Variants in GRID2 observed in about 807,000 individuals in gnomAD.
GRID2 encodes glutamate ionotropic receptor delta type subunit 2.
GRID2 carries 33 observed loss-of-function variants against 114.8 expected under a neutral mutation model. That is an observed-to-expected ratio of 0.29 (90% CI 0.22 to 0.38). The LOEUF (loss-of-function observed/expected upper bound fraction) is 0.38. GRID2 is among the 10% of genes least tolerant of loss of function. GRID2 has a pLI of 1.00. For synonymous variants in GRID2, 505 were observed against 449.9 expected, an observed-to-expected ratio of 1.12 and a Z score of -1.55; for missense variants, 1,184 against 1,257.7, an observed-to-expected ratio of 0.94 and a Z score of 0.89.
At chr4:92,306,784 C>T (rs573509008) in intron 1 of GRID2, among the ~76,000 whole-genome samples, 43 of 152,256 alleles carry the variant, frequency 2.8e-4, no homozygotes, top group African/African-American at 9.4e-4. Context: ...GCTATAATCA[C>T]ATTTAAAAAT....
intron 1 of GRID2, among the ~76,000 whole-genome samples, chr4:92,404,392 C>T (rs1041023999): frequency 6.6e-6 from 1 of 152,110 alleles, no homozygotes; most frequent in Non-Finnish European, 1.5e-5. Flanking sequence ...ACAACAGATG[C>T]TGGCAAGGCT....
intron 1 of GRID2, among the ~76,000 whole-genome samples, chr4:92,561,649 G>A (rs549398028): frequency 1.5e-4 from 23 of 152,258 alleles, no homozygotes; most frequent in Admixed American, 6.5e-4. Context: ...AAGCTTTATA[G>A]TGTGGCTACA....
At chr4:92,987,400 G>T (rs1187539272) in intron 2 of GRID2, among the ~76,000 whole-genome samples, 1 of 152,076 alleles carries the variant, frequency 6.6e-6, no homozygotes, top group African/African-American at 2.4e-5. Context: ...TGCCAGAACA[G>T]TGAGGTTCCT....
At chr4:92,867,325 A>C (rs144769484) in intron 2 of GRID2, among the ~76,000 whole-genome samples, 1 of 152,292 alleles carries the variant, frequency 6.6e-6, no homozygotes, top group Non-Finnish European at 1.5e-5. Context: ...ACTGCAATTA[A>C]GGAAACCCTT....
chr4:92,994,275 G>A (rs181334009), intron 2 of GRID2, among the ~76,000 whole-genome samples: 1 of 152,298 alleles, frequency 6.6e-6, no homozygotes, highest in African/African-American at 2.4e-5. Context: ...TATAAACTCA[G>A]TGATCTTAAT....
chr4:93,206,365 C>T (rs929039736), intron 4 of GRID2, among the ~76,000 whole-genome samples: 1 of 151,824 alleles, frequency 6.6e-6, no homozygotes, highest in African/African-American at 2.4e-5. Flanking sequence ...GAATAGCCAA[C>T]AAAATGCAAT....
chr4:92,370,403 A>C (rs1435404603), intron 1 of GRID2, among the ~76,000 whole-genome samples: 1 of 152,010 alleles, frequency 6.6e-6, no homozygotes, highest in Non-Finnish European at 1.5e-5. Context: ...TGTAATCCCA[A>C]CACTTTGGGA....
intron 1 of GRID2, among the ~76,000 whole-genome samples, chr4:92,396,039 T>C (rs1730476818): frequency 6.6e-6 from 1 of 151,896 alleles, no homozygotes; most frequent in African/African-American, 2.4e-5. Context: ...AGAAATAGTA[T>C]GATAAGACAT....
chr4:92,439,173 G>C (rs1021004411), intron 1 of GRID2, among the ~76,000 whole-genome samples: 1 of 151,912 alleles, frequency 6.6e-6, no homozygotes, highest in Non-Finnish European at 1.5e-5. Context: ...TTGCTCAGTG[G>C]GGGTGCTTTT....
chr4:93,348,807 T>A (rs548063397), intron 8 of GRID2, among the ~76,000 whole-genome samples: 5 of 152,310 alleles, frequency 3.3e-5, no homozygotes, highest in Non-Finnish European at 7.4e-5. Flanking sequence ...TATAAAAAGA[T>A]GCTTGGTTTT....
At chr4:93,691,774 T>C (rs190710273) in intron 14 of GRID2, among the ~76,000 whole-genome samples, 72 of 152,184 alleles carry the variant, frequency 4.7e-4, no homozygotes, top group Admixed American at 1.2e-3. Context: ...TACTAGAGAC[T>C]ATTTTATTTC....
chr4:92,883,884 G>A (rs1265382112), intron 2 of GRID2, among the ~76,000 whole-genome samples: 1 of 152,138 alleles, frequency 6.6e-6, no homozygotes, highest in Non-Finnish European at 1.5e-5. Flanking sequence ...CTGGATCCAG[G>A]ATTTTCAGAA....
At chr4:92,980,152 C>T (rs1429778189) in intron 2 of GRID2, among the ~76,000 whole-genome samples, 1 of 151,820 alleles carries the variant, frequency 6.6e-6, no homozygotes, top group Non-Finnish European at 1.5e-5. Flanking sequence ...CTTCAAGAAC[C>T]CAATTTTTGA....
chr4:92,733,301 A>G (rs779355168), intron 2 of GRID2, among the ~76,000 whole-genome samples: 67 of 152,076 alleles, frequency 4.4e-4, no homozygotes, highest in Non-Finnish European at 8.1e-4. Flanking sequence ...CTAACCTGTA[A>G]CTGATTAACT....
At chr4:92,996,180 C>A (rs1180123698) in intron 2 of GRID2, among the ~76,000 whole-genome samples, 1 of 151,710 alleles carries the variant, frequency 6.6e-6, no homozygotes, top group Non-Finnish European at 1.5e-5. Flanking sequence ...ATCCCAGCAA[C>A]TTGGGAGGCT....
chr4:92,874,069 T>C (rs746904184), intron 2 of GRID2, among the ~76,000 whole-genome samples: 17 of 152,068 alleles, frequency 1.1e-4, no homozygotes, highest in Non-Finnish European at 2.4e-4. Flanking sequence ...CCCCTATTCT[T>C]CTTACACTCA....
intron 2 of GRID2, among the ~76,000 whole-genome samples, chr4:92,668,088 G>T (rs1377091319): frequency 6.6e-6 from 1 of 151,708 alleles, no homozygotes; most frequent in Non-Finnish European, 1.5e-5. Context: ...GAAGCAGTTT[G>T]TTAAGATGGA....
At chr4:93,085,394 CTT>C in intron 3 of GRID2, 115 bp downstream of exon 3, 1 of 807,036 alleles carries the variant, frequency 1.2e-6, no homozygotes, top group Non-Finnish European at 2.0e-6. Context: ...GTTTTCTTGT[CTT>C]GTCATATTTT....
intron 2 of GRID2, among the ~76,000 whole-genome samples, chr4:93,037,002 G>A (rs1724992584): frequency 6.6e-6 from 1 of 152,084 alleles, no homozygotes; most frequent in African/African-American, 2.4e-5. Context: ...TTGGTCCTAG[G>A]ATATATAGCT....
Sources: gnomAD v4.1 joint callset for allele counts (sites outside exome capture counted in the v4.1 genomes callset) on GRCh38, gnomAD v4.1.1 for gene constraint, MANE v1.5 for transcripts, NCBI Gene and HGNC (gene_info 2026-07-23, HGNC 2026-07-21) for gene names.